Variants in PPP2R5E observed in about 807,000 individuals in gnomAD.
PPP2R5E encodes the protein serine/threonine-protein phosphatase 2A 56 kDa regulatory subunit epsilon isoform.
PPP2R5E carries 4 observed loss-of-function variants against 65.3 expected under a neutral mutation model. The observed-to-expected ratio is 0.06, with a 90% CI of 0.03 to 0.14. PPP2R5E has a LOEUF of 0.14. Among genes scored for constraint, PPP2R5E ranks in the 10% least tolerant of loss-of-function variants. PPP2R5E has a pLI of 1.00. For missense variants in PPP2R5E, 274 were observed against 556.1 expected (o/e 0.49, Z 5.10); for synonymous variants, 183 against 187.4 (o/e 0.98, Z 0.19).
chr14:63,502,096 TGTA>T (rs1168774724), intron 2 of PPP2R5E, among the ~76,000 whole-genome samples: 1 of 152,096 alleles, frequency 6.6e-6, no homozygotes, highest in East Asian at 1.9e-4. Context: ...GGTTTCACCA[TGTA>T]GGCCAAGCTG....
Position 63,391,918 on chromosome 14 carries a change from T to G in PPP2R5E, c.904-51A>C, listed in dbSNP as rs780830701. ...TGGCATTTAACTTTTTCATATATAC[T>G]TCTGGGAAAGGTAATTTTTCTTAAG... On this transcript the variant is annotated intron_variant, in intron 9 of 13. Coordinates refer to ENST00000337537, the MANE Select transcript of PPP2R5E (RefSeq NM_006246.5). 2.4e-5 allele frequency: 38 copies of G among 1,605,952 alleles called. No individual in the cohort carries two copies. The Admixed American group carries it at 4.0e-4, about 17-fold the overall frequency.
chr14:63,451,093 C>A (rs997048419), intron 3 of PPP2R5E, among the ~76,000 whole-genome samples: 1 of 152,092 alleles, frequency 6.6e-6, no homozygotes, highest in Non-Finnish European at 1.5e-5. Flanking sequence ...GACAGTTTGG[C>A]AGTTTCTTAT....
At chr14:63,434,697 A>G (rs902536010) in intron 3 of PPP2R5E, among the ~76,000 whole-genome samples, 2 of 152,188 alleles carry the variant, frequency 1.3e-5, no homozygotes, top group African/African-American at 4.8e-5. Context: ...TTTCACTCTC[A>G]TTGGACTCCA....
intron 2 of PPP2R5E, among the ~76,000 whole-genome samples, chr14:63,469,275 A>G (rs972589688): frequency 1.3e-5 from 2 of 152,236 alleles, no homozygotes; most frequent in African/African-American, 2.4e-5. Context: ...TACATTACAA[A>G]AAAAGGTACA....
intron 2 of PPP2R5E, among the ~76,000 whole-genome samples, chr14:63,515,206 G>A (rs182613919): frequency 2.6e-5 from 4 of 152,158 alleles, no homozygotes; most frequent in African/African-American, 4.8e-5. Context: ...ACAACTATAC[G>A]GGACACTATC....
intron 2 of PPP2R5E, among the ~76,000 whole-genome samples, chr14:63,480,843 A>C (rs1890661535): frequency 6.6e-6 from 1 of 152,090 alleles, no homozygotes; most frequent in Non-Finnish European, 1.5e-5. Flanking sequence ...TCCCTTTCAA[A>C]ATCTTCCTTC....
intron 3 of PPP2R5E, among the ~76,000 whole-genome samples, chr14:63,428,268 A>G (rs1887447822): frequency 1.3e-5 from 2 of 152,160 alleles, no homozygotes; most frequent in Non-Finnish European, 2.9e-5. Flanking sequence ...CAAGGACTCT[A>G]TTCATCTCAG....
At chr14:63,535,723 A>G (rs1002614337) in intron 2 of PPP2R5E, among the ~76,000 whole-genome samples, 11 of 152,314 alleles carry the variant, frequency 7.2e-5, no homozygotes, top group Admixed American at 7.2e-4. Flanking sequence ...TTCATTATTT[A>G]AAACAACTCA....
chr14:63,430,369 A>ACATACATACATG (rs1887581648), intron 3 of PPP2R5E, among the ~76,000 whole-genome samples: 11 of 135,140 alleles, frequency 8.1e-5, no homozygotes, highest in African/African-American at 3.4e-4. Context: ...ATACATACAT[A>ACATACATACATG]CATGCATGCA....
intron 5 of PPP2R5E, among the ~76,000 whole-genome samples, chr14:63,408,987 TTTGGGAGG>T (rs1886240659): frequency 1.3e-5 from 2 of 152,124 alleles, no homozygotes; most frequent in African/African-American, 4.8e-5. Context: ...ATTCCAGCAC[TTTGGGAGG>T]CCGAGGCAGG....
At chr14:63,510,965 T>C (rs913849645) in intron 2 of PPP2R5E, among the ~76,000 whole-genome samples, 15 of 152,220 alleles carry the variant, frequency 9.9e-5, no homozygotes, top group African/African-American at 3.4e-4. Flanking sequence ...TGAGAAGTGG[T>C]TGGATTCTAG....
intron 2 of PPP2R5E, among the ~76,000 whole-genome samples, chr14:63,475,926 ACT>A (rs1356717653): frequency 2.6e-5 from 4 of 152,194 alleles, no homozygotes; most frequent in Admixed American, 2.6e-4. Flanking sequence ...TACAGTGGAA[ACT>A]CTGACAAATG....
chr14:63,486,699 C>T (rs1322447916), intron 2 of PPP2R5E, among the ~76,000 whole-genome samples: 2 of 152,060 alleles, frequency 1.3e-5, no homozygotes, highest in Admixed American at 6.6e-5. Context: ...CCCACCATCC[C>T]GCATAAACTT....
intron 2 of PPP2R5E, among the ~76,000 whole-genome samples, chr14:63,522,876 C>T (rs1355871996): frequency 1.7e-4 from 25 of 148,188 alleles, no homozygotes; most frequent in African/African-American, 5.5e-4. Flanking sequence ...GTCAGCCCCC[C>T]GCCCGGCCAG....
At chr14:63,435,685 C>G (rs938547946) in intron 3 of PPP2R5E, among the ~76,000 whole-genome samples, 9 of 152,230 alleles carry the variant, frequency 5.9e-5, no homozygotes, top group African/African-American at 2.2e-4. Context: ...TGCCTCTCTC[C>G]ACCTTACTGC....
Position 63,382,051 on chromosome 14 carries a change from G to A in PPP2R5E, c.1304+5C>T. The A allele has an allele frequency of 6.2e-7, 1 of 1,606,554 alleles. No homozygotes were observed. The highest frequency in any genetic ancestry group is 8.5e-7 in the Non-Finnish European group (1 of 1,175,924). ...ACAGCTGACAAAAAAGCTTTAAAAA[G>A]TTACCGCTGACGATCTGACTTGTAT... On this transcript the variant is annotated splice_donor_5th_base_variant and intron_variant, in intron 13 of 13. Coordinates refer to ENST00000337537, the MANE Select transcript of PPP2R5E (RefSeq NM_006246.5).
chr14:63,526,446 T>C (rs139230927), intron 2 of PPP2R5E, among the ~76,000 whole-genome samples: 1 of 152,344 alleles, frequency 6.6e-6, no homozygotes, highest in Admixed American at 6.5e-5. Context: ...CTGATAGAAG[T>C]AAGCAATTAC....
chr14:63,406,149 C>T (rs1018198677), intron 5 of PPP2R5E, among the ~76,000 whole-genome samples: 3 of 152,128 alleles, frequency 2.0e-5, no homozygotes, highest in Non-Finnish European at 2.9e-5. Flanking sequence ...CAGTGACTCA[C>T]GCCTGTAATC....
chr14:63,422,119 T>C, intron 3 of PPP2R5E, 25 bp from the exon 4 acceptor site: 3 of 1,574,558 alleles, frequency 1.9e-6, no homozygotes, highest in Non-Finnish European at 2.6e-6. Flanking sequence ...GCAGCAGAGT[T>C]AACGGGAAGC....
Sources: gnomAD v4.1 joint callset for allele counts (sites outside exome capture counted in the v4.1 genomes callset) on GRCh38, gnomAD v4.1.1 for gene constraint, MANE v1.5 for transcripts, NCBI Gene and HGNC (gene_info 2026-07-23, HGNC 2026-07-21) for gene names.